Variants in ADARB2 observed in about 807,000 individuals in gnomAD.
The protein encoded by ADARB2 is inactive double-stranded RNA-specific editase B2.
A neutral mutation model predicts 62.2 loss-of-function variants in ADARB2; 25 were observed. The observed-to-expected ratio is 0.40, with a 90% CI of 0.29 to 0.56. The LOEUF (loss-of-function observed/expected upper bound fraction) is 0.56, where lower values mean the gene tolerates loss of function less well. ADARB2 is among the 20% of genes least tolerant of loss of function. ADARB2 has a pLI of 0.43. For missense variants in ADARB2, 1,071 were observed against 1,077.4 expected, an observed-to-expected ratio of 0.99 and a Z score of 0.08; for synonymous variants, 572 against 500.8, an observed-to-expected ratio of 1.14 and a Z score of -1.90.
intron 1 of ADARB2, among the ~76,000 whole-genome samples, chr10:1,634,294 A>C (rs1833888328): frequency 6.6e-6 from 1 of 152,238 alleles, no homozygotes. Context: ...GGCCACAGAC[A>C]CAGCACACAG....
intron 3 of ADARB2, among the ~76,000 whole-genome samples, chr10:1,342,468 T>G (rs1375135604): frequency 1.3e-5 from 2 of 152,234 alleles, no homozygotes; most frequent in Non-Finnish European, 2.9e-5. Context: ...TGCAGTCTTC[T>G]TCAGGTGGCC....
intron 1 of ADARB2, among the ~76,000 whole-genome samples, chr10:1,513,613 G>A (rs1278155262): frequency 6.6e-6 from 1 of 152,190 alleles, no homozygotes; most frequent in Non-Finnish European, 1.5e-5. Flanking sequence ...GCAGTGCTGG[G>A]GTTCCAGGGC....
chr10:1,228,127 A>G (rs551609076), intron 6 of ADARB2, among the ~76,000 whole-genome samples: 1 of 152,330 alleles, frequency 6.6e-6, no homozygotes, highest in Admixed American at 6.5e-5. Flanking sequence ...CTACCTTTCT[A>G]GTCGTTGAAT....
intron 6 of ADARB2, among the ~76,000 whole-genome samples, chr10:1,232,930 T>C (rs1830823518): frequency 6.6e-6 from 1 of 152,002 alleles, no homozygotes; most frequent in African/African-American, 2.4e-5. Context: ...ATGTGGTGTG[T>C]GTGTGGTGTA....
rs1311003661 is a variant in ADARB2 at position 1,674,079 on chromosome 10, ATG to A, written c.100+62970_100+62971del. 2.6e-5 allele frequency among the ~76,000 whole-genome samples: 4 copies of A among 152,252 alleles called. No homozygotes were observed. In the East Asian group the frequency reaches 7.7e-4, roughly 29 times the overall value. Reference sequence around the variant, plus strand: ...TAGCTGCTGCAATCCCCTGAAGTCGATGTCAGACCTGAGGGCTGCAAGGAGGC... The same window carrying A: ...TAGCTGCTGCAATCCCCTGAAGTCGATCAGACCTGAGGGCTGCAAGGAGGC... On this transcript the variant is annotated intron_variant, in intron 1 of 9. Transcript: ENST00000381312.
chr10:1,381,031 T>G (rs1832477962), intron 1 of ADARB2, among the ~76,000 whole-genome samples: 1 of 152,254 alleles, frequency 6.6e-6, no homozygotes, highest in Non-Finnish European at 1.5e-5. Context: ...TCAAAGTTGT[T>G]ACTTTCTGAT....
intron 1 of ADARB2, among the ~76,000 whole-genome samples, chr10:1,478,474 C>T (rs1831428921): frequency 6.6e-6 from 1 of 152,232 alleles, no homozygotes; most frequent in African/African-American, 2.4e-5. Context: ...TGTCCTAAAT[C>T]TAGACACAGA....
intron 1 of ADARB2, among the ~76,000 whole-genome samples, chr10:1,405,071 AGAGCCTGTGGGGTC>A (rs1025857205): frequency 2.0e-5 from 3 of 152,214 alleles, no homozygotes; most frequent in Non-Finnish European, 4.4e-5. Context: ...GAGGGCTCCC[AGAGCCTGTGGGGTC>A]ATGCGGGGGC....
chr10:1,594,320 C>A (rs1402877751), intron 1 of ADARB2, among the ~76,000 whole-genome samples: 1 of 152,012 alleles, frequency 6.6e-6, no homozygotes, highest in African/African-American at 2.4e-5. Flanking sequence ...AACAAAACAA[C>A]AACAACAACA....
intron 7 of ADARB2, among the ~76,000 whole-genome samples, chr10:1,203,828 C>T (rs1233499476): frequency 6.6e-6 from 1 of 152,124 alleles, no homozygotes; most frequent in Non-Finnish European, 1.5e-5. Flanking sequence ...CAGTGGACCT[C>T]AAAGTGGGAT....
At chr10:1,460,848 G>A (rs1263370701) in intron 1 of ADARB2, among the ~76,000 whole-genome samples, 5 of 126,352 alleles carry the variant, frequency 4.0e-5, no homozygotes, top group African/African-American at 1.6e-4. Flanking sequence ...CCTGTGACCT[G>A]AGTTTACCTG....
chr10:1,285,119 C>T (rs1311725233), intron 3 of ADARB2, among the ~76,000 whole-genome samples: 1 of 150,282 alleles, frequency 6.7e-6, no homozygotes, highest in Non-Finnish European at 1.5e-5. Flanking sequence ...AAGTCATCTG[C>T]AGCATAAATT....
At chr10:1,400,636 C>A (rs1202214770) in intron 1 of ADARB2, among the ~76,000 whole-genome samples, 1 of 152,174 alleles carries the variant, frequency 6.6e-6, no homozygotes, top group Non-Finnish European at 1.5e-5. Flanking sequence ...TGAGCTACTG[C>A]CAGCCCGTGC....
In ADARB2 at chr10:1,199,991, G is replaced by A; in HGVS notation, c.1839C>T (p.Tyr613=). 2.5e-6 allele frequency: 4 copies of A among 1,570,794 alleles called. No homozygotes were observed. The highest frequency in any genetic ancestry group is 3.4e-6 in the Non-Finnish European group (4 of 1,161,570). ...MEGVGQLPAS[Y]RHNRPLLSGV... is the part of the protein sequence containing the mutation. ...CGCTGAGGAGAGGCCGGTTGTGCCGGTAGGAGGCGGGCAGCTGGCCGACAC... is the reference window on the plus strand; with the variant it reads ...CGCTGAGGAGAGGCCGGTTGTGCCGATAGGAGGCGGGCAGCTGGCCGACAC... Residue 613 remains tyrosine (Y), a synonymous_variant, in exon 8 of 10, where the codon TAC becomes TAT. Transcript: ENST00000381312.
At chr10:1,235,228 TA>T (rs1830854387) in intron 5 of ADARB2, among the ~76,000 whole-genome samples, 1 of 141,426 alleles carries the variant, frequency 7.1e-6, no homozygotes. Flanking sequence ...AAAAGAGCTG[TA>T]GGAAGGCCTG....
chr10:1,233,318 C>T (rs1232249296), intron 6 of ADARB2, among the ~76,000 whole-genome samples: 1 of 152,208 alleles, frequency 6.6e-6, no homozygotes, highest in Non-Finnish European at 1.5e-5. Context: ...CTTTTTTCCT[C>T]CCCAACGCTG....
chr10:1,441,687 A>G (rs1830908756), intron 1 of ADARB2, among the ~76,000 whole-genome samples: 1 of 152,192 alleles, frequency 6.6e-6, no homozygotes, highest in African/African-American at 2.4e-5. Flanking sequence ...ATGTTGTAAA[A>G]TCAAAAGAAA....
rs191854904 is a variant in ADARB2, at chr10:1,476,516, A to G, written c.101-97356T>C. ...TGGGCTGCCTGATTGACAGCCCAGAAGCTGAGGCCTGAACGCATCTGCCAG... is the reference window on the plus strand; with the variant it reads ...TGGGCTGCCTGATTGACAGCCCAGAGGCTGAGGCCTGAACGCATCTGCCAG... On this transcript the variant is annotated intron_variant, in intron 1 of 9. Coordinates refer to ENST00000381312, the MANE Select transcript of ADARB2 (RefSeq NM_018702.4). Among the ~76,000 whole-genome samples, 134 of 152,304 alleles carry G rather than the reference A, an allele frequency of 8.8e-4. 1 individual carries two copies. Among genetic ancestry groups the G allele is most frequent in the African/African-American group, 3.1e-3 (128 of 41,566 alleles).
chr10:1,680,639 A>G lies in ADARB2; in HGVS notation c.100+56412T>C, dbSNP rs80350596. Among the ~76,000 whole-genome samples, 337 of 152,274 alleles carry G rather than the reference A, an allele frequency of 2.2e-3. 5 individuals are homozygous for G. Among genetic ancestry groups the G allele is most frequent in the African/African-American group, 7.9e-3 (329 of 41,556 alleles). ...TGAGGGACTGAAGGAGCGAGTGAAG[A>G]TATTTACAGCTTTATTAGAGAAAGG... On this transcript the variant is annotated intron_variant, in intron 1 of 9. Coordinates refer to ENST00000381312, the MANE Select transcript of ADARB2 (RefSeq NM_018702.4).
Sources: allele counts gnomAD v4.1 joint callset (sites outside exome capture counted in the v4.1 genomes callset), GRCh38; gene constraint gnomAD v4.1.1; transcripts MANE v1.5; gene names NCBI Gene and HGNC (gene_info 2026-07-23, HGNC 2026-07-21).